The following TTC28 variants were observed in gnomAD, a reference collection of about 807,000 sequenced individuals.
The protein encoded by TTC28 is tetratricopeptide repeat domain 28.
In TTC28, 61 loss-of-function variants were observed where a neutral mutation model predicts 198.0. That is an observed-to-expected ratio of 0.31 (90% CI 0.25 to 0.38). The LOEUF is 0.38. Among genes scored for constraint, TTC28 ranks in the 10% least tolerant of loss-of-function variants. The pLI is 1.00. For synonymous variants in TTC28, 1,171 were observed against 1,297.8 expected (o/e 0.90, Z 2.10); for missense variants, 2,678 against 3,164.0 (o/e 0.85, Z 3.69).
At position 28,005,322 on chromosome 22, in the gene TTC28, CAG is replaced by C. The variant is rs1195287278; in HGVS notation, c.4219-3771_4219-3770del. Among the ~76,000 whole-genome samples, 1 of 152,198 alleles carries C rather than the reference CAG, an allele frequency of 6.6e-6. No homozygotes were observed. Among genetic ancestry groups the C allele is most frequent in the East Asian group, 1.9e-4 (1 of 5,184 alleles). Reference sequence around the variant, plus strand: ...GGGCTGCCCTGGGGCACGGTGATGACAGGGGTTCCGTGAAGGTGCAGTCTTTG... The same window carrying C: ...GGGCTGCCCTGGGGCACGGTGATGACGGGTTCCGTGAAGGTGCAGTCTTTG... On this transcript the variant is annotated intron_variant, in intron 14 of 22. Coordinates refer to ENST00000397906, the MANE Select transcript of TTC28 (RefSeq NM_001145418.2). The surrounding 1 kb of genome is among the most constrained non-coding windows in gnomAD (Gnocchi z 4.9).
At chr22:28,073,114 T>C (rs1438962087) in intron 12 of TTC28, among the ~76,000 whole-genome samples, 1 of 152,120 alleles carries the variant, frequency 6.6e-6, no homozygotes, top group Admixed American at 6.6e-5. Flanking sequence ...TAGTGACTGA[T>C]TAAATCAACA....
At chr22:28,612,179 A>G (rs1342775078) in intron 2 of TTC28, among the ~76,000 whole-genome samples, 4 of 152,200 alleles carry the variant, frequency 2.6e-5, no homozygotes, top group Admixed American at 1.3e-4. Context: ...TTGCAATCCT[A>G]GTCTCTGATA....
chr22:27,984,997 G>A (rs1044453972), intron 22 of TTC28, among the ~76,000 whole-genome samples: 2 of 152,134 alleles, frequency 1.3e-5, no homozygotes, highest in Non-Finnish European at 2.9e-5. Context: ...CGTCTGCTCT[G>A]CCACCACCCT....
intron 2 of TTC28, among the ~76,000 whole-genome samples, chr22:28,620,346 T>G (rs1196646872): frequency 1.2e-5 from 1 of 84,140 alleles, no homozygotes; most frequent in Non-Finnish European, 2.8e-5. Flanking sequence ...CAAATCTCTG[T>G]CTCAAAAAAA....
At chr22:28,514,122 T>G (rs1036746168) in intron 2 of TTC28, among the ~76,000 whole-genome samples, 1 of 152,212 alleles carries the variant, frequency 6.6e-6, no homozygotes, top group African/African-American at 2.4e-5. Flanking sequence ...TATATCTCCA[T>G]GTATTCTTCT....
chr22:28,400,777 G>A (rs2046894580), intron 2 of TTC28, among the ~76,000 whole-genome samples: 1 of 152,172 alleles, frequency 6.6e-6, no homozygotes, highest in South Asian at 2.1e-4. Context: ...GGATAGCCCA[G>A]ATGGTAACAG....
At chr22:28,282,577 T>C (rs551712160) in intron 5 of TTC28, among the ~76,000 whole-genome samples, 88 of 152,318 alleles carry the variant, frequency 5.8e-4, no homozygotes, top group Admixed American at 2.3e-3. Context: ...AGCTACTACA[T>C]TGAGCAATCC....
At chr22:28,337,598 C>T (rs369700042) in intron 2 of TTC28, among the ~76,000 whole-genome samples, 13 of 152,156 alleles carry the variant, frequency 8.5e-5, no homozygotes, top group Non-Finnish European at 1.5e-4. Context: ...TATGTAATGG[C>T]GTTCTTTGTC....
Position 27,995,887 on chromosome 22 carries a change from C to T in TTC28, c.5244+248G>A, listed in dbSNP as rs546120647. ...ACCCCTCAGGCCAGCGGGCTCATCCCGGGGACGTCTGCAGAAGCACCCTGG... is the reference window on the plus strand; with the variant it reads ...ACCCCTCAGGCCAGCGGGCTCATCCTGGGGACGTCTGCAGAAGCACCCTGG... On this transcript the variant is annotated intron_variant, in intron 17 of 22. Transcript: ENST00000397906. Among the ~76,000 whole-genome samples the T allele has an allele frequency of 5.3e-5, 8 of 152,276 alleles. No homozygotes were observed. In the South Asian group the frequency reaches 8.3e-4, roughly 16 times the overall value.
chr22:28,347,917 G>C (rs2045933779), intron 2 of TTC28, among the ~76,000 whole-genome samples: 1 of 152,240 alleles, frequency 6.6e-6, no homozygotes, highest in South Asian at 2.1e-4. Flanking sequence ...ATATTTTGAG[G>C]AAGGAACTTA....
intron 2 of TTC28, among the ~76,000 whole-genome samples, chr22:28,567,770 A>G (rs1331478939): frequency 6.6e-6 from 1 of 152,006 alleles, no homozygotes; most frequent in African/African-American, 2.4e-5. Context: ...ATATGGAATC[A>G]AAAACCAGAA....
rs895493153 is a variant in TTC28 at position 28,116,276 on chromosome 22, A to C, written c.1442-7873T>G. On this transcript the variant is annotated intron_variant, in intron 6 of 22. Coordinates refer to ENST00000397906, the MANE Select transcript of TTC28 (RefSeq NM_001145418.2). ...TTGGATACTTAAAGACTAAGACTGC[A>C]GGTGAATAGCTCAGAAATTCCCTGG... Among the ~76,000 whole-genome samples the C allele has an allele frequency of 2.6e-5, 4 of 152,348 alleles. No homozygotes were observed. In the East Asian group the frequency reaches 5.8e-4, roughly 22 times the overall value.
chr22:28,200,068 T>A (rs1376556891), intron 5 of TTC28, among the ~76,000 whole-genome samples: 1 of 152,064 alleles, frequency 6.6e-6, no homozygotes, highest in Non-Finnish European at 1.5e-5. Flanking sequence ...TAAAAAGAAA[T>A]AAAACTTTAT....
In TTC28 at chr22:28,602,344, G is replaced by A. The variant is rs146329801; in HGVS notation, c.381+27208C>T. 3.4e-4 allele frequency among the ~76,000 whole-genome samples: 52 copies of A among 152,256 alleles called. No individual in the cohort carries two copies. The East Asian group carries it at 8.3e-3, about 24-fold the overall frequency. ...TTGATCCTGGACCAGAAGGGAAAGGGTGTCTATAAAGGAAGTGACTGGAGC... is the reference window on the plus strand; with the variant it reads ...TTGATCCTGGACCAGAAGGGAAAGGATGTCTATAAAGGAAGTGACTGGAGC... On this transcript the variant is annotated intron_variant, in intron 2 of 22. Transcript: ENST00000397906.
intron 12 of TTC28, among the ~76,000 whole-genome samples, chr22:28,031,844 T>C (rs1437610582): frequency 5.9e-5 from 9 of 152,098 alleles, no homozygotes; most frequent in Non-Finnish European, 8.8e-5. Flanking sequence ...CTGAGTAAAG[T>C]AGACTGCCCT....
chr22:28,147,893 A>C (rs772318380), intron 6 of TTC28, among the ~76,000 whole-genome samples: 2 of 152,220 alleles, frequency 1.3e-5, no homozygotes, highest in African/African-American at 4.8e-5. Context: ...TGTTATTTGA[A>C]TATCTAGAAA....
intron 5 of TTC28, among the ~76,000 whole-genome samples, chr22:28,222,402 A>G (rs995851451): frequency 2.6e-5 from 4 of 152,238 alleles, no homozygotes; most frequent in Non-Finnish European, 4.4e-5. Context: ...TTAAGTCCCT[A>G]TCCTTTTGCT....
chr22:28,507,126 G>C (rs1229306610), intron 2 of TTC28, among the ~76,000 whole-genome samples: 2 of 152,196 alleles, frequency 1.3e-5, no homozygotes, highest in Non-Finnish European at 2.9e-5. Context: ...AGCTAAAGGA[G>C]CATGTTGTAA....
chr22:28,138,588 T>C (rs1307357992), intron 6 of TTC28, among the ~76,000 whole-genome samples: 1 of 152,222 alleles, frequency 6.6e-6, no homozygotes, highest in Non-Finnish European at 1.5e-5. Flanking sequence ...GGGAATATGT[T>C]GCTGTTTAGA....
Sources: gnomAD v4.1 joint callset for allele counts (sites outside exome capture counted in the v4.1 genomes callset) on GRCh38, gnomAD v4.1.1 for gene constraint, Gnocchi (gnomAD v3.1) non-coding constraint, MANE v1.5 for transcripts, NCBI Gene and HGNC (gene_info 2026-07-23, HGNC 2026-07-21) for gene names.